Variants in XKR4 observed in about 807,000 individuals in gnomAD.
The protein encoded by XKR4 is XK related 4.
A neutral mutation model predicts 53.9 loss-of-function variants in XKR4; 12 were observed. That is an observed-to-expected ratio of 0.22 (90% CI 0.14 to 0.36). The LOEUF is 0.36. Among genes scored for constraint, XKR4 ranks in the 10% least tolerant of loss-of-function variants. The pLI, the probability that XKR4 is intolerant of heterozygous loss-of-function variation, is 1.00. For synonymous variants in XKR4, 354 were observed against 362.4 expected, an observed-to-expected ratio of 0.98 and a Z score of 0.26; for missense variants, 799 against 859.5, an observed-to-expected ratio of 0.93 and a Z score of 0.88.
rs77368583 is a variant in XKR4 at position 55,412,483 on chromosome 8, C to G, written c.1006+54606C>G. ...AGGCTGACATCCAGGGTCCCAACTC[C>G]CAGTCCAGTATTCCCTTATTCCCAA... On this transcript the variant is annotated intron_variant, in intron 2 of 2. Transcript: ENST00000327381. Among the ~76,000 whole-genome samples, 904 of 152,212 alleles carry G rather than the reference C, an allele frequency of 5.9e-3. 8 individuals are homozygous for G. The highest frequency in any genetic ancestry group is 0.021 in the African/African-American group (860 of 41,538).
chr8:55,161,627 T>G (rs776572841), intron 1 of XKR4: 1 of 456,326 alleles, frequency 2.2e-6, no homozygotes, highest in South Asian at 1.5e-5. Flanking sequence ...CAACTTCTAA[T>G]GTTGCAGTGG....
At chr8:55,285,810 G>A in intron 1 of XKR4, among the ~76,000 whole-genome samples, 1 of 152,138 alleles carries the variant, frequency 6.6e-6, no homozygotes, top group African/African-American at 2.4e-5. Flanking sequence ...AGGGGCAACT[G>A]TTTCTGAACG....
chr8:55,351,809 T>C (rs954134832), intron 1 of XKR4, among the ~76,000 whole-genome samples: 1 of 152,246 alleles, frequency 6.6e-6, no homozygotes, highest in African/African-American at 2.4e-5. Context: ...CCTACTATCC[T>C]TTATTTTCCA....
chr8:55,186,684 A>G (rs1209124749), intron 1 of XKR4, among the ~76,000 whole-genome samples: 1 of 152,058 alleles, frequency 6.6e-6, no homozygotes, highest in Admixed American at 6.6e-5. Context: ...AAATAATTAA[A>G]AAATTCAAAT....
chr8:55,294,603 C>G (rs949214301), intron 1 of XKR4, among the ~76,000 whole-genome samples: 6 of 152,236 alleles, frequency 3.9e-5, no homozygotes, highest in African/African-American at 1.4e-4. Context: ...GGGCAATTAA[C>G]TGCTGACTCT....
At chr8:55,240,783 G>A (rs183320020) in intron 1 of XKR4, among the ~76,000 whole-genome samples, 53 of 152,260 alleles carry the variant, frequency 3.5e-4, no homozygotes, top group Admixed American at 6.5e-4. Flanking sequence ...CTTTATGGCC[G>A]TGACATTTTC....
At chr8:55,305,436 A>C (rs1260973630) in intron 1 of XKR4, among the ~76,000 whole-genome samples, 2 of 152,120 alleles carry the variant, frequency 1.3e-5, no homozygotes, top group African/African-American at 4.8e-5. Flanking sequence ...GAGACTTCTC[A>C]TCTCTTACTC....
intron 1 of XKR4, among the ~76,000 whole-genome samples, chr8:55,119,316 C>T (rs1217513121): frequency 1.3e-5 from 2 of 151,998 alleles, no homozygotes; most frequent in East Asian, 3.9e-4. Context: ...GAAGTCCCTC[C>T]CAGAAGAGAC....
Position 55,464,237 on chromosome 8 carries a change from G to T in XKR4, c.1007-59044G>T, listed in dbSNP as rs568300487. Among the ~76,000 whole-genome samples the T allele has an allele frequency of 2.0e-5, 3 of 152,196 alleles. No homozygotes were observed. The South Asian group carries it at 6.2e-4, about 32-fold the overall frequency. On this transcript the variant is annotated intron_variant, in intron 2 of 2. Transcript: ENST00000327381. The stretch of plus-strand genomic sequence containing the variant: ...ATGCAAAAATCCTCAATAAAATACT[G>T]ACAAACCAAATCCAGCAACACATCA...
intron 1 of XKR4, among the ~76,000 whole-genome samples, chr8:55,313,556 C>T (rs1487199083): frequency 6.6e-6 from 1 of 152,134 alleles, no homozygotes; most frequent in Non-Finnish European, 1.5e-5. Context: ...GAGCAGGGTA[C>T]TCTGGAAGCC....
intron 2 of XKR4, among the ~76,000 whole-genome samples, chr8:55,404,361 T>A (rs747603762): frequency 9.9e-5 from 15 of 152,226 alleles, no homozygotes; most frequent in Non-Finnish European, 2.1e-4. Flanking sequence ...CACAATCCCT[T>A]TGTTCCTTGA....
intron 1 of XKR4, among the ~76,000 whole-genome samples, chr8:55,217,479 A>G (rs1407330159): frequency 2.0e-5 from 3 of 152,164 alleles, no homozygotes; most frequent in Non-Finnish European, 1.5e-5. Context: ...TAAGAGTGTG[A>G]ATTGGTACAC....
At chr8:55,223,156 G>A (rs189749674) in intron 1 of XKR4, among the ~76,000 whole-genome samples, 1 of 152,276 alleles carries the variant, frequency 6.6e-6, no homozygotes, top group East Asian at 1.9e-4. Context: ...GAACCAATGG[G>A]TGTCAACTAC....
chr8:55,503,623 T>G (rs1194190579), intron 2 of XKR4, among the ~76,000 whole-genome samples: 2 of 152,162 alleles, frequency 1.3e-5, no homozygotes, highest in Admixed American at 1.3e-4. Context: ...TCTTTAGAAT[T>G]GTCTACAAAT....
At chr8:55,434,163 C>CTA (rs541597912) in intron 2 of XKR4, among the ~76,000 whole-genome samples, 1 of 152,104 alleles carries the variant, frequency 6.6e-6, no homozygotes, top group East Asian at 1.9e-4. Context: ...ATATGACCAC[C>CTA]TATATATACA....
intron 2 of XKR4, among the ~76,000 whole-genome samples, chr8:55,515,342 T>A (rs1484485124): frequency 6.6e-6 from 1 of 152,126 alleles, no homozygotes; most frequent in Non-Finnish European, 1.5e-5. Context: ...CGGTGGAGCT[T>A]GTATTACCTT....
At chr8:55,307,040 A>G (rs200956735) in intron 1 of XKR4, among the ~76,000 whole-genome samples, 1 of 140,182 alleles carries the variant, frequency 7.1e-6, no homozygotes, top group South Asian at 2.6e-4. Flanking sequence ...ATACACTTTT[A>G]GAAAAAAAAA....
chr8:55,144,765 A>G (rs1251042884), intron 1 of XKR4, among the ~76,000 whole-genome samples: 1 of 144,900 alleles, frequency 6.9e-6, no homozygotes, highest in Admixed American at 7.2e-5. Flanking sequence ...CAGTCCTGAC[A>G]TGGGAAGCTA....
chr8:55,111,566 C>T (rs1816231114), intron 1 of XKR4, among the ~76,000 whole-genome samples: 1 of 152,136 alleles, frequency 6.6e-6, no homozygotes, highest in Admixed American at 6.6e-5. Context: ...TGCAATTAAC[C>T]TTATGTCATT....
Sources: gnomAD v4.1 joint callset for allele counts (sites outside exome capture counted in the v4.1 genomes callset) on GRCh38, gnomAD v4.1.1 for gene constraint, MANE v1.5 for transcripts, NCBI Gene and HGNC (gene_info 2026-07-23, HGNC 2026-07-21) for gene names.